Variants in METTL15 observed in about 807,000 individuals in gnomAD.
METTL15 encodes methyltransferase 15, mitochondrial 12S rRNA N4-cytidine.
METTL15 carries 34 observed loss-of-function variants against 38.3 expected under a neutral mutation model. The observed-to-expected ratio is 0.89, with a 90% confidence interval of 0.68 to 1.18. The LOEUF (loss-of-function observed/expected upper bound fraction) is 1.18, where lower values mean the gene tolerates loss of function less well. METTL15 is among the 50% of genes most tolerant of loss of function. METTL15 has a pLI of 0.00. For missense variants in METTL15, 438 were observed against 498.4 expected (o/e 0.88, Z 1.15); for synonymous variants, 162 against 170.9 (o/e 0.95, Z 0.41).
At chr11:28,181,284 T>C (rs2133783438) in intron 3 of METTL15, among the ~76,000 whole-genome samples, 1 of 149,612 alleles carries the variant, frequency 6.7e-6, no homozygotes, top group East Asian at 2.0e-4. Flanking sequence ...GTATTTTAAG[T>C]TCTGGGGTAT....
chr11:28,354,193 C>A (rs1252581543), intron 4 of METTL15, among the ~76,000 whole-genome samples: 1 of 152,192 alleles, frequency 6.6e-6, no homozygotes, highest in African/African-American at 2.4e-5. Flanking sequence ...TAAGGACCCA[C>A]AAAAGCACTC....
At chr11:28,406,597 G>T (rs1850676011) in intron 5 of METTL15, among the ~76,000 whole-genome samples, 1 of 152,120 alleles carries the variant, frequency 6.6e-6, no homozygotes, top group Non-Finnish European at 1.5e-5. Flanking sequence ...GAGACAATGG[G>T]ATCTTCTAGA....
intron 6 of METTL15, among the ~76,000 whole-genome samples, chr11:28,468,379 C>T (rs7123683): frequency 0.41 from 61,512 of 151,774 alleles, 14,276 homozygotes; most frequent in Admixed American, 0.52. Context: ...AGTGCGTTCA[C>T]GAAAAAACAA....
intron 5 of METTL15, among the ~76,000 whole-genome samples, chr11:28,390,788 G>C (rs917753840): frequency 1.3e-5 from 2 of 152,048 alleles, no homozygotes; most frequent in African/African-American, 2.4e-5. Context: ...AGCTTGATGG[G>C]GATGGCATTG....
chr11:28,462,476 G>T (rs985685225), intron 6 of METTL15, among the ~76,000 whole-genome samples: 17 of 111,330 alleles, frequency 1.5e-4, no homozygotes, highest in African/African-American at 5.9e-4. Flanking sequence ...AAGCATACAC[G>T]CTTACACACA....
At chr11:28,153,317 T>TA (rs1850156725) in intron 3 of METTL15, among the ~76,000 whole-genome samples, 1 of 152,156 alleles carries the variant, frequency 6.6e-6, no homozygotes, top group Admixed American at 6.6e-5. Flanking sequence ...CTAGATTACT[T>TA]ATAATATCTA....
At chr11:28,397,197 T>G (rs1226263990) in intron 5 of METTL15, among the ~76,000 whole-genome samples, 1 of 152,032 alleles carries the variant, frequency 6.6e-6, no homozygotes, top group Non-Finnish European at 1.5e-5. Context: ...ACTTCATGTC[T>G]AAAACACCAA....
chr11:28,402,723 G>A (rs1481372971), intron 5 of METTL15, among the ~76,000 whole-genome samples: 1 of 151,860 alleles, frequency 6.6e-6, no homozygotes, highest in Non-Finnish European at 1.5e-5. Flanking sequence ...TACAGATGCA[G>A]TTTTGTCACG....
At chr11:28,171,433 A>G (rs902598185) in intron 3 of METTL15, among the ~76,000 whole-genome samples, 43 of 152,294 alleles carry the variant, frequency 2.8e-4, no homozygotes, top group African/African-American at 9.9e-4. Context: ...ATGTATATGA[A>G]AAGGTTTGCC....
chr11:28,379,661 G>C (rs1429024378), intron 5 of METTL15, among the ~76,000 whole-genome samples: 1 of 152,172 alleles, frequency 6.6e-6, no homozygotes, highest in African/African-American at 2.4e-5. Flanking sequence ...TTCATGTACT[G>C]ATGAGAATAA....
intron 6 of METTL15, among the ~76,000 whole-genome samples, chr11:28,314,690 A>G (rs1857420045): frequency 6.6e-6 from 1 of 152,104 alleles, no homozygotes; most frequent in East Asian, 1.9e-4. Context: ...GGTAGTTGGT[A>G]TGGTTTGGCT....
chr11:28,205,942 T>A (rs1216462552), intron 3 of METTL15, among the ~76,000 whole-genome samples: 61 of 148,584 alleles, frequency 4.1e-4, no homozygotes, highest in African/African-American at 1.4e-3. Flanking sequence ...TCGCCCACTT[T>A]TTGATGGGGT....
downstream of METTL15, among the ~76,000 whole-genome samples, chr11:28,530,705 A>AT (rs1178740620): frequency 2.0e-5 from 3 of 151,628 alleles, no homozygotes; most frequent in Admixed American, 1.3e-4. Context: ...GAGATTTAGA[A>AT]TTTTTTTTTC....
chr11:28,458,455 G>A (rs1851188300), intron 6 of METTL15, among the ~76,000 whole-genome samples: 1 of 152,120 alleles, frequency 6.6e-6, no homozygotes, highest in Non-Finnish European at 1.5e-5. Flanking sequence ...AGTAGCTTAG[G>A]AAAGATTTGA....
At chr11:28,313,645 G>A (rs1857382169) in intron 6 of METTL15, among the ~76,000 whole-genome samples, 2 of 151,480 alleles carry the variant, frequency 1.3e-5, no homozygotes, top group Non-Finnish European at 2.9e-5. Context: ...CACATTTGTT[G>A]TGTTGGAGTG....
chr11:28,192,431 CTTT>C (rs545100111), intron 3 of METTL15, among the ~76,000 whole-genome samples: 1 of 136,942 alleles, frequency 7.3e-6, no homozygotes. Context: ...TTTGATTTGC[CTTT>C]TTTTTTTTTG....
chr11:28,434,245 G>T (rs1271857051), intron 6 of METTL15, among the ~76,000 whole-genome samples: 1 of 152,160 alleles, frequency 6.6e-6, no homozygotes, highest in African/African-American at 2.4e-5. Context: ...CATGAAGAAG[G>T]ACGTGTTTAC....
At chr11:28,495,835 AG>A (rs777539056) in intron 6 of METTL15, among the ~76,000 whole-genome samples, 24 of 152,106 alleles carry the variant, frequency 1.6e-4, no homozygotes, top group Non-Finnish European at 3.4e-4. Context: ...TATGCTGGAA[AG>A]CTCAGAGAAA....
intron 5 of METTL15, among the ~76,000 whole-genome samples, chr11:28,375,841 C>T (rs372314976): frequency 9.2e-4 from 140 of 151,374 alleles, no homozygotes; most frequent in Non-Finnish European, 1.4e-3. Context: ...GCTTTGAATG[C>T]GTCCCAGAGA....
Sources: gnomAD v4.1 joint callset for allele counts (sites outside exome capture counted in the v4.1 genomes callset) on GRCh38, gnomAD v4.1.1 for gene constraint, MANE v1.5 for transcripts, NCBI Gene and HGNC (gene_info 2026-07-23, HGNC 2026-07-21) for gene names.